HHLA2: variants seen among roughly 807,000 people sequenced by gnomAD.
HHLA2 encodes HERV-H LTR-associating protein 2.
A neutral mutation model predicts 45.9 loss-of-function variants in HHLA2; 48 were observed. That is an observed-to-expected ratio of 1.05 (90% confidence interval 0.83 to 1.33). HHLA2 has a LOEUF of 1.33. Ranked by LOEUF, HHLA2 falls within the 40% of genes most tolerant of loss-of-function variation. The pLI is 0.00. For synonymous variants in HHLA2, 161 were observed against 173.9 expected (o/e 0.93, Z 0.59); for missense variants, 462 against 494.3 (o/e 0.93, Z 0.62).
chr3:108,341,095 G>C (rs2081564109), intron 3 of HHLA2, among the ~76,000 whole-genome samples: 1 of 151,958 alleles, frequency 6.6e-6, no homozygotes, highest in Non-Finnish European at 1.5e-5. Context: ...TGAGATTACA[G>C]GTGCTCACCA....
At chr3:108,350,093 T>C (rs4488835) in intron 3 of HHLA2, among the ~76,000 whole-genome samples, 102,612 of 151,838 alleles carry the variant, frequency 0.68, 35,551 homozygotes, top group African/African-American at 0.77. Context: ...ATGAGTTTAA[T>C]GATTACTTGT....
exon 6 of HHLA2, chr3:108,355,357 T>C (rs1054013550): frequency 3.1e-6 from 5 of 1,613,774 alleles, no homozygotes; most frequent in Non-Finnish European, 2.5e-6. Context: ...GAAGCAAACA[T>C]GGACAGGGCG....
chr3:108,341,193 T>G (rs1198875246), intron 3 of HHLA2, among the ~76,000 whole-genome samples: 1 of 151,990 alleles, frequency 6.6e-6, no homozygotes, highest in East Asian at 1.9e-4. Context: ...CCTCAGGTAA[T>G]CCGCCCGCCT....
intron 2 of HHLA2, among the ~76,000 whole-genome samples, chr3:108,313,822 CAAGTCAGTCCT>C (rs2081060315): frequency 6.6e-6 from 1 of 152,168 alleles, no homozygotes; most frequent in Non-Finnish European, 1.5e-5. Context: ...TGACCTTGGG[CAAGTCAGTCCT>C]AACTTACTAG....
chr3:108,308,371 C>A (rs2080964908), intron 1 of HHLA2, among the ~76,000 whole-genome samples: 1 of 152,204 alleles, frequency 6.6e-6, no homozygotes, highest in Admixed American at 6.5e-5. Flanking sequence ...AATAGTTACT[C>A]CATTGTATAT....
chr3:108,369,347 C>T (rs368227504), intron 8 of HHLA2, among the ~76,000 whole-genome samples: 10 of 152,088 alleles, frequency 6.6e-5, no homozygotes, highest in South Asian at 6.2e-4. Flanking sequence ...CCAAGATGGC[C>T]GAATAGGAAC....
At chr3:108,362,399 C>A in exon 8 of HHLA2, 1 of 1,612,746 alleles carries the variant, frequency 6.2e-7, no homozygotes, top group Non-Finnish European at 8.5e-7. Flanking sequence ...GTGCCCTCTG[C>A]GATTTTGGCA....
chr3:108,337,454 G>A (rs181498808), intron 3 of HHLA2, among the ~76,000 whole-genome samples: 95 of 152,268 alleles, frequency 6.2e-4, no homozygotes, highest in Admixed American at 4.3e-3. Context: ...GCTTGCCATG[G>A]TTCATAGAGT....
chr3:108,361,434 T>C (rs1249652052), intron 7 of HHLA2, among the ~76,000 whole-genome samples: 1 of 152,162 alleles, frequency 6.6e-6, no homozygotes, highest in East Asian at 1.9e-4. Flanking sequence ...ATCGCAGTGC[T>C]TGTGATCAAG....
intron 2 of HHLA2, among the ~76,000 whole-genome samples, chr3:108,311,071 G>A (rs1221210794): frequency 6.6e-6 from 1 of 152,152 alleles, no homozygotes; most frequent in Non-Finnish European, 1.5e-5. Flanking sequence ...TCTGTATCTA[G>A]CATATGTACT....
intron 8 of HHLA2, among the ~76,000 whole-genome samples, chr3:108,370,048 TG>T (rs1287363877): frequency 1.3e-5 from 2 of 152,160 alleles, no homozygotes; most frequent in Admixed American, 6.5e-5. Flanking sequence ...GTGGCCTAAC[TG>T]GGGGGAACCC....
At chr3:108,337,749 A>C (rs1177890194) in intron 3 of HHLA2, among the ~76,000 whole-genome samples, 2 of 152,098 alleles carry the variant, frequency 1.3e-5, no homozygotes, top group Admixed American at 6.6e-5. Flanking sequence ...GGAAGTGTCC[A>C]GGGTTCCTGT....
intron 2 of HHLA2, among the ~76,000 whole-genome samples, chr3:108,312,320 C>T (rs1437865227): frequency 2.0e-5 from 3 of 152,222 alleles, no homozygotes; most frequent in African/African-American, 7.2e-5. Flanking sequence ...TAATAAATTT[C>T]TTCTTTATCA....
intron 6 of HHLA2, 21 bp from the exon 6 acceptor site, chr3:108,357,823 T>C: frequency 6.4e-7 from 1 of 1,557,566 alleles, no homozygotes; most frequent in East Asian, 2.3e-5. Flanking sequence ...ATTGATGTTT[T>C]CTTTTCTATT....
chr3:108,357,269 A>G (rs1442375606), intron 6 of HHLA2, among the ~76,000 whole-genome samples: 1 of 152,200 alleles, frequency 6.6e-6, no homozygotes, highest in Admixed American at 6.5e-5. Flanking sequence ...GAAGGACAAG[A>G]TGGAGCTGGG....
intron 8 of HHLA2, among the ~76,000 whole-genome samples, chr3:108,371,739 A>C (rs1169861831): frequency 6.6e-6 from 1 of 152,252 alleles, no homozygotes; most frequent in African/African-American, 2.4e-5. Context: ...AAGCCGTTAC[A>C]TAATGGTAAA....
intron 1 of HHLA2, 96 bp from the exon 2 acceptor site, chr3:108,310,559 T>C (rs527267135): frequency 1.0e-4 from 16 of 152,720 alleles, no homozygotes; most frequent in Admixed American, 6.5e-4. Context: ...TCACAAGTCA[T>C]TAATCACTGA....
chr3:108,308,129 A>G (rs1024381300), intron 1 of HHLA2, among the ~76,000 whole-genome samples: 20 of 152,110 alleles, frequency 1.3e-4, no homozygotes, highest in African/African-American at 4.3e-4. Flanking sequence ...TATTTTTTGT[A>G]CCCATTAACC....
chr3:108,376,360 G>A (rs2082274887), intron 9 of HHLA2, 133 bp from the exon 9 acceptor site: 2 of 644,572 alleles, frequency 3.1e-6, no homozygotes, highest in South Asian at 2.1e-5. Flanking sequence ...CATTTTTCAT[G>A]TTGTTTGTTA....
Sources: allele counts gnomAD v4.1 joint callset (sites outside exome capture counted in the v4.1 genomes callset), GRCh38; gene constraint gnomAD v4.1.1; transcripts MANE v1.5; gene names NCBI Gene and HGNC (gene_info 2026-07-23, HGNC 2026-07-21).